FHOD3: variants seen among roughly 807,000 people sequenced by gnomAD.
The protein encoded by FHOD3 is FH1/FH2 domain-containing protein 3.
A neutral mutation model predicts 173.0 loss-of-function variants in FHOD3; 90 were observed. The observed-to-expected ratio is 0.52, with a 90% CI of 0.44 to 0.62. The LOEUF is 0.62. Ranked by LOEUF, FHOD3 falls within the 20% of genes least tolerant of loss-of-function variation. The pLI, the probability that FHOD3 is intolerant of heterozygous loss-of-function variation, is 0.00. For missense variants in FHOD3, 1,945 were observed against 2,034.7 expected, an observed-to-expected ratio of 0.96 and a Z score of 0.85; for synonymous variants, 828 against 823.0, an observed-to-expected ratio of 1.01 and a Z score of -0.10.
chr18:36,522,058 T>C (rs2056304202), intron 5 of FHOD3, among the ~76,000 whole-genome samples: 1 of 152,226 alleles, frequency 6.6e-6, no homozygotes, highest in Admixed American at 6.5e-5. Context: ...ATGCATACCC[T>C]GGTCTTGACT....
At chr18:36,598,382 A>G (rs980471300) in intron 7 of FHOD3, among the ~76,000 whole-genome samples, 1 of 152,212 alleles carries the variant, frequency 6.6e-6, no homozygotes, top group South Asian at 2.1e-4. Context: ...TGGTTGCATT[A>G]TAAATATAAA....
chr18:36,567,878 T>C (rs1264274931), intron 5 of FHOD3, among the ~76,000 whole-genome samples: 3 of 152,072 alleles, frequency 2.0e-5, no homozygotes, highest in Non-Finnish European at 4.4e-5. Context: ...CACCTAAAAC[T>C]CTGAGGAGTG....
chr18:36,299,604 T>A (rs1217309961), intron 1 of FHOD3, among the ~76,000 whole-genome samples: 1 of 152,176 alleles, frequency 6.6e-6, no homozygotes, highest in South Asian at 2.1e-4. Flanking sequence ...TGTTTTCATG[T>A]TTCCATGGAA....
intron 23 of FHOD3, among the ~76,000 whole-genome samples, chr18:36,745,171 C>T (rs778596233): frequency 1.3e-5 from 2 of 152,132 alleles, no homozygotes; most frequent in African/African-American, 2.4e-5. Flanking sequence ...ACCTGGTGGC[C>T]GAGAGCCTCC....
chr18:36,753,496 C>T (rs1296249131), intron 24 of FHOD3, among the ~76,000 whole-genome samples: 2 of 152,228 alleles, frequency 1.3e-5, no homozygotes, highest in Non-Finnish European at 2.9e-5. Context: ...CCACTTTCAG[C>T]TATTGTGAAT....
intron 1 of FHOD3, among the ~76,000 whole-genome samples, chr18:36,348,897 T>TCACC (rs2045988734): frequency 6.6e-6 from 1 of 152,196 alleles, no homozygotes; most frequent in Admixed American, 6.5e-5. Flanking sequence ...GGCAAACCTC[T>TCACC]CACCCACCTG....
intron 1 of FHOD3, among the ~76,000 whole-genome samples, chr18:36,312,908 G>A (rs1334603156): frequency 6.6e-6 from 1 of 152,166 alleles, no homozygotes; most frequent in Non-Finnish European, 1.5e-5. Flanking sequence ...GGTGGTTCTG[G>A]CTCAGGGTCT....
intron 6 of FHOD3, among the ~76,000 whole-genome samples, chr18:36,580,866 G>A (rs2058825444): frequency 6.6e-6 from 1 of 152,216 alleles, no homozygotes. Context: ...TTGACAAAGA[G>A]TCAGATTTAT....
intron 21 of FHOD3, 119 bp from the exon 22 acceptor site, chr18:36,742,618 G>C: frequency 1.8e-6 from 2 of 1,108,546 alleles, no homozygotes; most frequent in Admixed American, 2.3e-5. Context: ...TGCCCATCGC[G>C]GGGGATTGCC....
chr18:36,491,077 G>A (rs1046040699), intron 3 of FHOD3, among the ~76,000 whole-genome samples: 16 of 152,176 alleles, frequency 1.1e-4, no homozygotes, highest in African/African-American at 3.9e-4. Context: ...CTGGTGTGGG[G>A]AGATCACAGA....
chr18:36,473,189 C>T (rs2053379907), intron 3 of FHOD3, among the ~76,000 whole-genome samples: 1 of 152,202 alleles, frequency 6.6e-6, no homozygotes, highest in Non-Finnish European at 1.5e-5. Context: ...CCGAGGCTGG[C>T]AGTCACCTGA....
intron 1 of FHOD3, among the ~76,000 whole-genome samples, chr18:36,307,005 C>G (rs1458417886): frequency 6.6e-6 from 1 of 152,152 alleles, no homozygotes; most frequent in African/African-American, 2.4e-5. Context: ...GCTCTGTCGC[C>G]CAGGCTGGCA....
At chr18:36,756,695 C>T (rs942489431) in intron 25 of FHOD3, among the ~76,000 whole-genome samples, 2 of 152,196 alleles carry the variant, frequency 1.3e-5, no homozygotes, top group African/African-American at 2.4e-5. Context: ...TTAAGAACCA[C>T]GGGATAATCA....
chr18:36,562,209 A>G (rs1294045734), intron 5 of FHOD3, among the ~76,000 whole-genome samples: 1 of 151,952 alleles, frequency 6.6e-6, no homozygotes, highest in Non-Finnish European at 1.5e-5. Flanking sequence ...TAGAGACAGG[A>G]TTTCACCATG....
At chr18:36,522,395 G>A (rs1297493681) in intron 5 of FHOD3, among the ~76,000 whole-genome samples, 2 of 152,084 alleles carry the variant, frequency 1.3e-5, no homozygotes, top group East Asian at 1.9e-4. Flanking sequence ...TTTGGTTTTG[G>A]TACTTTTCAA....
At chr18:36,573,758 A>G (rs2058545989) in intron 5 of FHOD3, among the ~76,000 whole-genome samples, 2 of 152,222 alleles carry the variant, frequency 1.3e-5, no homozygotes, top group Non-Finnish European at 2.9e-5. Context: ...ATGACTGTGT[A>G]CGCTGAGTTC....
intron 1 of FHOD3, among the ~76,000 whole-genome samples, chr18:36,330,171 G>A (rs1197737323): frequency 6.6e-6 from 1 of 152,162 alleles, no homozygotes; most frequent in African/African-American, 2.4e-5. Flanking sequence ...TTTCTAAAAT[G>A]GAGTAGGGCA....
At chr18:36,558,410 T>G (rs1430490269) in intron 5 of FHOD3, among the ~76,000 whole-genome samples, 1 of 152,208 alleles carries the variant, frequency 6.6e-6, no homozygotes, top group Admixed American at 6.5e-5. Context: ...GTCTAGCTTT[T>G]TATATGTTTC....
rs147561688 is a variant in FHOD3, at chr18:36,709,219, G to C, written c.2361G>C (p.Val787=). The change falls in exon 18 of 29, where the codon GTG becomes GTC. Residue 787 remains valine, a synonymous_variant. Transcript: ENST00000590592. ...CCCACGAGGGTGCAGAGACTGAAGT[G>C]GAGCAGGCACTAGAGCAAGAGCCGG... ...ASAHEGAETE[V]EQALEQEPEE... is the part of the protein sequence containing the mutation. 1.9e-6 allele frequency: 3 copies of C among 1,614,070 alleles called. No individual in the cohort carries two copies. The highest frequency in any genetic ancestry group is 2.7e-5 in the African/African-American group (2 of 74,924).
Sources: allele counts gnomAD v4.1 joint callset (sites outside exome capture counted in the v4.1 genomes callset), GRCh38; gene constraint gnomAD v4.1.1; transcripts MANE v1.5; gene names NCBI Gene and HGNC (gene_info 2026-07-23, HGNC 2026-07-21).